Variants in SHISA9 observed in about 807,000 individuals in gnomAD.
SHISA9 encodes the protein shisa family member 9.
Under a neutral mutation model 38.0 loss-of-function variants are expected in SHISA9, and 13 were observed. The ratio of observed to expected loss-of-function variants is 0.34; its 90% CI spans 0.22 to 0.54. The LOEUF (loss-of-function observed/expected upper bound fraction) is 0.54. SHISA9 is among the 20% of genes least tolerant of loss of function. The pLI, the probability that SHISA9 is intolerant of heterozygous loss-of-function variation, is 0.91. For synonymous variants in SHISA9, 275 were observed against 242.0 expected (o/e 1.14, Z -1.27); for missense variants, 538 against 575.8 (o/e 0.93, Z 0.67).
At chr16:13,509,045 C>T in the SHISA9 span, among the ~76,000 whole-genome samples, 6 of 152,126 alleles carry the variant, frequency 3.9e-5, no homozygotes, top group East Asian at 5.8e-4. Context: ...TTTGTGCATC[C>T]GACCCTCCTT....
the SHISA9 span, chr16:13,458,609 A>ATTCTAGC: frequency 2.6e-6 from 1 of 391,534 alleles, no homozygotes; most frequent in East Asian, 8.2e-5. Context: ...CAGCTAAGAG[A>ATTCTAGC]TTTGGATCAA....
At chr16:13,498,568 C>A in the SHISA9 span, among the ~76,000 whole-genome samples, 1 of 152,008 alleles carries the variant, frequency 6.6e-6, no homozygotes, top group Non-Finnish European at 1.5e-5. Context: ...ACCAACCTGA[C>A]CGACACGGTA....
the SHISA9 span, among the ~76,000 whole-genome samples, chr16:13,354,873 G>T: frequency 6.6e-6 from 1 of 152,138 alleles, no homozygotes; most frequent in African/African-American, 2.4e-5. Context: ...TGGCGAGATA[G>T]GTAACAGTTG....
At chr16:13,562,742 G>T in the SHISA9 span, 1 of 151,884 alleles carries the variant, frequency 6.6e-6, no homozygotes, top group Non-Finnish European at 1.5e-5. Flanking sequence ...GGATTCTATG[G>T]TTGGAAACCT....
chr16:13,168,250 G>C (rs867920941), intron 2 of SHISA9, among the ~76,000 whole-genome samples: 1 of 152,200 alleles, frequency 6.6e-6, no homozygotes, highest in African/African-American at 2.4e-5. Context: ...TTAAGATTTA[G>C]CTCAGTTAGA....
At chr16:13,104,320 C>G (rs745960738) in intron 2 of SHISA9, among the ~76,000 whole-genome samples, 7 of 152,216 alleles carry the variant, frequency 4.6e-5, no homozygotes, top group Middle Eastern at 3.4e-3. Context: ...TATAAACTTA[C>G]TATACGACCC....
chr16:13,022,616 G>A (rs1014303895), intron 2 of SHISA9, among the ~76,000 whole-genome samples: 2 of 152,060 alleles, frequency 1.3e-5, no homozygotes, highest in African/African-American at 2.4e-5. Context: ...ACAGTTGTAA[G>A]CCACCGCGCC....
intron 2 of SHISA9, among the ~76,000 whole-genome samples, chr16:13,045,801 G>T (rs9929619): frequency 0.59 from 89,991 of 151,854 alleles, 27,810 homozygotes; most frequent in Middle Eastern, 0.73. Flanking sequence ...GCCTAGGAAT[G>T]AAGGCTTTTG....
intron 2 of SHISA9, among the ~76,000 whole-genome samples, chr16:13,118,499 C>T (rs527971914): frequency 6.6e-6 from 1 of 152,224 alleles, no homozygotes; most frequent in African/African-American, 2.4e-5. Context: ...GTCAGATAGC[C>T]ACCTAGAACA....
At chr16:13,113,949 T>G (rs1289161798) in intron 2 of SHISA9, among the ~76,000 whole-genome samples, 2 of 152,184 alleles carry the variant, frequency 1.3e-5, no homozygotes, top group Non-Finnish European at 2.9e-5. Flanking sequence ...GTTCATTCAT[T>G]CAGCAAAGCG....
Position 13,235,187 on chromosome 16 carries a change from CACCAA to C in SHISA9, c.1054_1058del (p.Thr352GlnfsTer16). 6.4e-7 allele frequency: 1 copy of C among 1,551,770 alleles called. No homozygotes were observed. The highest frequency in any genetic ancestry group is 8.7e-7 in the Non-Finnish European group (1 of 1,147,016). ...CCAAGCAGAATGGACAGAAGTCCCG[CACCAA>C]CAAGATGCCCCCACATCCCCTGGCC... On this transcript the variant is annotated frameshift_variant, in exon 5 of 5. Coordinates refer to ENST00000558583, the MANE Select transcript of SHISA9 (RefSeq NM_001145204.3). LOFTEE classifies it high-confidence loss of function.
At chr16:13,198,285 TGTATATG>T (rs2050968918) in intron 2 of SHISA9, among the ~76,000 whole-genome samples, 3 of 148,798 alleles carry the variant, frequency 2.0e-5, no homozygotes, top group African/African-American at 7.5e-5. Context: ...TATACTTGTG[TGTATATG>T]CATACATATA....
the SHISA9 span, among the ~76,000 whole-genome samples, chr16:13,293,284 A>G: frequency 6.6e-6 from 1 of 152,282 alleles, no homozygotes; most frequent in East Asian, 1.9e-4. Flanking sequence ...CCCTTGAAAA[A>G]ATGAGAAGAC....
the SHISA9 span, among the ~76,000 whole-genome samples, chr16:13,462,728 G>A: frequency 1.6e-4 from 25 of 152,196 alleles, no homozygotes; most frequent in African/African-American, 5.8e-4. Context: ...TTAGGAGGCC[G>A]AGGCGGGGGG....
chr16:13,025,235 A>C (rs2072906554), intron 2 of SHISA9, among the ~76,000 whole-genome samples: 1 of 152,186 alleles, frequency 6.6e-6, no homozygotes, highest in Admixed American at 6.5e-5. Context: ...CTATCTTTCT[A>C]GACCAGTAAT....
the SHISA9 span, among the ~76,000 whole-genome samples, chr16:13,313,145 C>T: frequency 1.1e-4 from 16 of 148,072 alleles, no homozygotes; most frequent in African/African-American, 3.0e-4. Flanking sequence ...GTCCCAGCTA[C>T]TTGGGAGGCT....
chr16:13,047,277 C>T (rs751406361), intron 2 of SHISA9, among the ~76,000 whole-genome samples: 1 of 151,902 alleles, frequency 6.6e-6, no homozygotes, highest in East Asian at 1.9e-4. Context: ...AGCCAGCTCA[C>T]TCCCTGCCAC....
intron 2 of SHISA9, among the ~76,000 whole-genome samples, chr16:13,036,303 A>G (rs1045417783): frequency 1.3e-5 from 2 of 152,248 alleles, no homozygotes; most frequent in African/African-American, 4.8e-5. Flanking sequence ...AATAGTAAAT[A>G]AGTTATTGAT....
chr16:12,933,395 A>G (rs1036723597), intron 2 of SHISA9, among the ~76,000 whole-genome samples: 1 of 151,916 alleles, frequency 6.6e-6, no homozygotes, highest in African/African-American at 2.4e-5. Flanking sequence ...CCTGGTTTCA[A>G]GCAATTCTGC....
Sources: allele counts gnomAD v4.1 joint callset (sites outside exome capture counted in the v4.1 genomes callset), GRCh38; gene constraint gnomAD v4.1.1; transcripts MANE v1.5; gene names NCBI Gene and HGNC (gene_info 2026-07-23, HGNC 2026-07-21).